Variants in FRMPD4 observed in about 807,000 individuals in gnomAD.
FRMPD4 encodes the protein FERM and PDZ domain-containing protein 4.
FRMPD4 carries 22 observed loss-of-function variants against 94.1 expected under a neutral mutation model. That is an observed-to-expected ratio of 0.23 (90% CI 0.17 to 0.33). The LOEUF is 0.33. FRMPD4 is among the 10% of genes least tolerant of loss of function. FRMPD4 has a pLI of 1.00. For synonymous variants in FRMPD4, 631 were observed against 548.6 expected, an observed-to-expected ratio of 1.15 and a Z score of -2.10; for missense variants, 1,111 against 1,339.9, an observed-to-expected ratio of 0.83 and a Z score of 2.67.
chrX:12,365,937 C>G (rs2056068255), intron 1 of FRMPD4, among the ~76,000 whole-genome samples: 1 of 112,755 alleles, frequency 8.9e-6, no homozygotes, highest in African/African-American at 3.2e-5. Flanking sequence ...ATTCCATTCA[C>G]TAGGCTCTGT....
intron 1 of FRMPD4, among the ~76,000 whole-genome samples, chrX:12,477,721 C>A (rs1284148670): frequency 8.9e-6 from 1 of 112,857 alleles, no homozygotes; most frequent in Non-Finnish European, 1.9e-5. Flanking sequence ...ATATTTGTTA[C>A]ATGCTCATTA....
intron 3 of FRMPD4, among the ~76,000 whole-genome samples, chrX:11,893,382 T>C (rs2053885348): frequency 8.9e-6 from 1 of 112,274 alleles, no homozygotes; most frequent in African/African-American, 3.2e-5. Context: ...GTAGAGACAC[T>C]TGGACCTGAA....
intron 1 of FRMPD4, among the ~76,000 whole-genome samples, chrX:12,331,246 G>A (rs1311991174): frequency 9.5e-6 from 1 of 104,744 alleles, no homozygotes; most frequent in Non-Finnish European, 1.9e-5. Context: ...TTTTTAACAT[G>A]GAAGGAAAAT....
At chrX:12,124,993 C>A (rs1295241746) in intron 3 of FRMPD4, among the ~76,000 whole-genome samples, 4 of 112,237 alleles carry the variant, frequency 3.6e-5, no homozygotes, top group Non-Finnish European at 7.5e-5. Flanking sequence ...AGCTGGGAAC[C>A]TTTTCATCCT....
intron 3 of FRMPD4, among the ~76,000 whole-genome samples, chrX:12,107,260 G>C (rs1007610802): frequency 1.8e-5 from 2 of 112,104 alleles, no homozygotes; most frequent in African/African-American, 6.5e-5. Flanking sequence ...CTGTTCTGCA[G>C]CCTCCGCTGC....
intron 1 of FRMPD4, among the ~76,000 whole-genome samples, chrX:12,310,222 G>C (rs1443362229): frequency 9.3e-6 from 1 of 107,363 alleles, no homozygotes; most frequent in African/African-American, 3.6e-5. Context: ...GGGCAGGAGT[G>C]GGGGGTCGCA....
At chrX:12,102,975 T>C (rs1851456221) in intron 3 of FRMPD4, among the ~76,000 whole-genome samples, 1 of 111,670 alleles carries the variant, frequency 9.0e-6, no homozygotes, top group African/African-American at 3.3e-5. Flanking sequence ...TTTTTTCTTA[T>C]ATGACTTGTC....
intron 2 of FRMPD4, among the ~76,000 whole-genome samples, chrX:12,511,428 T>C (rs566823361): frequency 1.8e-5 from 2 of 110,811 alleles, no homozygotes; most frequent in African/African-American, 6.6e-5. Context: ...AAAATAAGCA[T>C]ATCAACAAAG....
At chrX:12,044,970 A>C (rs1024327646) in intron 3 of FRMPD4, among the ~76,000 whole-genome samples, 1 of 112,453 alleles carries the variant, frequency 8.9e-6, no homozygotes, top group Non-Finnish European at 1.9e-5. Flanking sequence ...GGGATTGGCA[A>C]ACTTTTGCCT....
At chrX:12,455,922 G>A (rs1348280792) in intron 1 of FRMPD4, among the ~76,000 whole-genome samples, 1 of 111,681 alleles carries the variant, frequency 9.0e-6, no homozygotes, top group Non-Finnish European at 1.9e-5. Context: ...AGCCTCCCGA[G>A]TAGCTGGGAT....
intron 1 of FRMPD4, among the ~76,000 whole-genome samples, chrX:11,824,954 TA>T (rs200166478): frequency 0.058 from 5,588 of 96,604 alleles, 194 homozygotes; most frequent in East Asian, 0.25. Context: ...AGAGAATGGT[TA>T]AAAAAAAAAA....
intron 2 of FRMPD4, chrX:12,583,512 CG>C: frequency 9.1e-7 from 1 of 1,104,690 alleles, no homozygotes. Flanking sequence ...TTCTACGTGC[CG>C]GGAGCGTTCC....
chrX:12,473,757 A>C (rs1398595985), intron 1 of FRMPD4, among the ~76,000 whole-genome samples: 4 of 110,753 alleles, frequency 3.6e-5, no homozygotes, highest in Non-Finnish European at 7.5e-5. Context: ...TTCAACAAGA[A>C]GAGCTAACTA....
chrX:12,263,892 G>C (rs2054233425), intron 1 of FRMPD4, among the ~76,000 whole-genome samples: 1 of 111,718 alleles, frequency 9.0e-6, no homozygotes, highest in South Asian at 3.8e-4. Flanking sequence ...TGGCAGAAGG[G>C]CAAAGAGAGG....
chrX:12,357,845 A>T (rs1720633349), intron 1 of FRMPD4, among the ~76,000 whole-genome samples: 1 of 111,953 alleles, frequency 8.9e-6, no homozygotes, highest in South Asian at 3.8e-4. Flanking sequence ...TTGTGCAAGC[A>T]TCACCATAAT....
intron 1 of FRMPD4, among the ~76,000 whole-genome samples, chrX:12,480,792 A>C (rs1387252052): frequency 8.9e-6 from 1 of 112,683 alleles, no homozygotes; most frequent in Non-Finnish European, 1.9e-5. Flanking sequence ...AGATAGGTAG[A>C]AATAATTTCA....
intron 1 of FRMPD4, among the ~76,000 whole-genome samples, chrX:12,385,995 A>G (rs1413162577): frequency 8.9e-6 from 1 of 111,883 alleles, no homozygotes; most frequent in African/African-American, 3.2e-5. Flanking sequence ...AATAAGCAGA[A>G]CTCTGCTTTT....
At chrX:12,649,746 A>C (rs2059580785) in intron 4 of FRMPD4, among the ~76,000 whole-genome samples, 1 of 112,543 alleles carries the variant, frequency 8.9e-6, no homozygotes, top group Non-Finnish European at 1.9e-5. Context: ...ACGTGAAGTA[A>C]ATGATTGCTT....
chrX:12,331,974 A>G (rs2055415887), intron 1 of FRMPD4, among the ~76,000 whole-genome samples: 3 of 48,001 alleles, frequency 6.2e-5, no homozygotes, highest in Non-Finnish European at 9.6e-5. Context: ...TAAATTATAT[A>G]TATTTATATA....
Sources: gnomAD v4.1 joint callset for allele counts (sites outside exome capture counted in the v4.1 genomes callset) on GRCh38, gnomAD v4.1.1 for gene constraint, MANE v1.5 for transcripts, NCBI Gene and HGNC (gene_info 2026-07-23, HGNC 2026-07-21) for gene names.